The following PDE3A variants were observed in gnomAD, a reference collection of about 807,000 sequenced individuals.
PDE3A encodes the protein phosphodiesterase 3A, also known as cGMP-inhibited 3',5'-cyclic phosphodiesterase 3A.
Under a neutral mutation model 98.3 loss-of-function variants are expected in PDE3A, and 43 were observed. That is an observed-to-expected ratio of 0.44 (90% CI 0.34 to 0.56). PDE3A has a LOEUF of 0.56. PDE3A is among the 20% of genes least tolerant of loss of function. The probability of loss-of-function intolerance (pLI) is 0.01; values close to 1 mark genes in which losing one functional copy is unlikely to be tolerated. For missense variants in PDE3A, 1,427 were observed against 1,440.7 expected, an observed-to-expected ratio of 0.99 and a Z score of 0.15; for synonymous variants, 663 against 567.9, an observed-to-expected ratio of 1.17 and a Z score of -2.38.
chr12:20,451,193 A>C (rs544006932), intron 1 of PDE3A, among the ~76,000 whole-genome samples: 12 of 152,352 alleles, frequency 7.9e-5, no homozygotes, highest in Non-Finnish European at 1.3e-4. Flanking sequence ...ATCTGGTTCA[A>C]ACTTCCAAAC....
At chr12:20,637,951 A>T (rs1379899129) in intron 9 of PDE3A, among the ~76,000 whole-genome samples, 1 of 152,136 alleles carries the variant, frequency 6.6e-6, no homozygotes, top group Non-Finnish European at 1.5e-5. Context: ...AATAAAGAGG[A>T]TGGTGTGATA....
chr12:20,560,495 C>T (rs1165734839), intron 2 of PDE3A, among the ~76,000 whole-genome samples: 1 of 151,804 alleles, frequency 6.6e-6, no homozygotes, highest in Non-Finnish European at 1.5e-5. Context: ...AGTGAACTTT[C>T]AAAAAACAGT....
intron 1 of PDE3A, among the ~76,000 whole-genome samples, chr12:20,472,632 A>T (rs1386854875): frequency 6.6e-6 from 1 of 152,210 alleles, no homozygotes; most frequent in Non-Finnish European, 1.5e-5. Flanking sequence ...ATTTCTCAGA[A>T]AAAAACAGTA....
At position 20,404,903 on chromosome 12, in the gene PDE3A, T is replaced by C. The variant is rs1244000948; in HGVS notation, c.960+34659T>C. Among the ~76,000 whole-genome samples the C allele has an allele frequency of 2.7e-5, 4 of 146,462 alleles. No homozygotes were observed. In the Admixed American group the frequency reaches 2.8e-4, roughly 10 times the overall value. On this transcript the variant is annotated intron_variant, in intron 1 of 15. Coordinates refer to ENST00000359062, the MANE Select transcript of PDE3A (RefSeq NM_000921.5). ...TCAAAATATGTATTTATCTACTGGC[T>C]GATACCTGACAAAGGAGTGATAATG...
In PDE3A at chr12:20,670,926, G is replaced by C. The variant is rs529204384; in HGVS notation, c.3185-9104G>C. 7.7e-5 allele frequency among the ~76,000 whole-genome samples: 10 copies of C among 129,244 alleles called. 1 individual carries two copies. Among genetic ancestry groups the C allele is most frequent in the Admixed American group, 2.3e-4 (3 of 12,948 alleles). The allele number at this position is 129,244 out of a possible 152,430, so 84.8% of individuals were successfully genotyped here. On this transcript the variant is annotated intron_variant, in intron 15 of 15. Transcript: ENST00000359062. ...AATCCAGGAGCTGGTTTTTTGAAAG[G>C]ATCAACAAAATTGATAGACCACTAG...
chr12:20,375,938 G>A (rs1943564645), intron 1 of PDE3A, among the ~76,000 whole-genome samples: 1 of 151,858 alleles, frequency 6.6e-6, no homozygotes, highest in African/African-American at 2.4e-5. Flanking sequence ...AGTGTCATAG[G>A]TTTTCAGAAG....
intron 2 of PDE3A, chr12:20,557,373 A>G (rs1197359548): frequency 1.3e-5 from 2 of 152,224 alleles, no homozygotes; most frequent in African/African-American, 4.8e-5. Flanking sequence ...TTACACTGAG[A>G]AAATTATTTC....
At chr12:20,568,214 A>T (rs1942709100) in intron 2 of PDE3A, among the ~76,000 whole-genome samples, 1 of 151,996 alleles carries the variant, frequency 6.6e-6, no homozygotes, top group Non-Finnish European at 1.5e-5. Flanking sequence ...TTCTATTAGC[A>T]TAAAATAAAA....
At chr12:20,676,620 CT>C (rs1475803965) in intron 15 of PDE3A, among the ~76,000 whole-genome samples, 1 of 151,740 alleles carries the variant, frequency 6.6e-6, no homozygotes, top group African/African-American at 2.4e-5. Context: ...CTGCCTCAGC[CT>C]CCCGAGTAGC....
intron 1 of PDE3A, among the ~76,000 whole-genome samples, chr12:20,382,284 T>G (rs1054926694): frequency 2.0e-5 from 3 of 151,910 alleles, no homozygotes; most frequent in Admixed American, 2.0e-4. Context: ...CTACTGAAAC[T>G]GTACAGGAAG....
chr12:20,585,044 T>C (rs1420816872), intron 2 of PDE3A, among the ~76,000 whole-genome samples: 3 of 152,226 alleles, frequency 2.0e-5, no homozygotes, highest in Non-Finnish European at 4.4e-5. Flanking sequence ...CTACTAATAG[T>C]ACCTCAATCT....
At chr12:20,554,072 G>A (rs564081912) in intron 1 of PDE3A, among the ~76,000 whole-genome samples, 15 of 149,872 alleles carry the variant, frequency 1.0e-4, no homozygotes, top group Admixed American at 8.0e-4. Context: ...AAGATATAAC[G>A]TTAGGGTTTG....
intron 1 of PDE3A, among the ~76,000 whole-genome samples, chr12:20,404,033 A>G (rs574667768): frequency 1.3e-5 from 2 of 152,160 alleles, no homozygotes; most frequent in African/African-American, 4.8e-5. Context: ...TGTTTTTGGC[A>G]GGTATGTTTG....
intron 1 of PDE3A, chr12:20,551,479 T>C (rs1942195400): frequency 2.9e-6 from 2 of 687,184 alleles, no homozygotes; most frequent in Admixed American, 2.8e-5. Flanking sequence ...TGGTGGTGCA[T>C]GGCCGTTCTT....
chr12:20,664,503 T>C (rs1438542486), intron 15 of PDE3A, among the ~76,000 whole-genome samples: 2 of 152,182 alleles, frequency 1.3e-5, no homozygotes, highest in African/African-American at 4.8e-5. Context: ...GGTTTTGCTG[T>C]GTCCCCACCC....
intron 1 of PDE3A, among the ~76,000 whole-genome samples, chr12:20,554,463 A>G (rs1000222936): frequency 4.0e-5 from 6 of 150,992 alleles, no homozygotes; most frequent in African/African-American, 1.5e-4. Context: ...ATTCTATTTT[A>G]TATTTACAGT....
Position 20,635,133 on chromosome 12 carries a change from C to T in PDE3A, c.2001+77C>T, listed in dbSNP as rs1944471860. ...TACAGATATTGGCTCAGAAATGAAT[C>T]TTTGAGGCCAGGCAAGGTGGCTCAC... On this transcript the variant is annotated intron_variant, in intron 8 of 15. Transcript: ENST00000359062. 3 of 1,358,872 alleles carry T rather than the reference C, an allele frequency of 2.2e-6. No homozygotes were observed. The African/African-American group carries it at 4.4e-5, about 20-fold the overall frequency. 84.2% of individuals were successfully genotyped at this position (1,358,872 alleles called of 1,614,324 possible). A position where few individuals can be genotyped will look rare whatever the true frequency, so the allele number is the denominator to read the frequency against.
chr12:20,536,860 A>C (rs1002005645), intron 1 of PDE3A, among the ~76,000 whole-genome samples: 1 of 152,038 alleles, frequency 6.6e-6, no homozygotes, highest in Non-Finnish European at 1.5e-5. Context: ...TTTGTGTTCA[A>C]ATTTTTGTGT....
chr12:20,384,869 C>G (rs1327902291), intron 1 of PDE3A, among the ~76,000 whole-genome samples: 3 of 152,058 alleles, frequency 2.0e-5, no homozygotes, highest in African/African-American at 4.8e-5. Context: ...CCTCATTCCT[C>G]TTTATGGCTG....
Sources: gnomAD v4.1 joint callset for allele counts (sites outside exome capture counted in the v4.1 genomes callset) on GRCh38, gnomAD v4.1.1 for gene constraint, MANE v1.5 for transcripts, NCBI Gene and HGNC (gene_info 2026-07-23, HGNC 2026-07-21) for gene names.